PDZD2: variants seen among roughly 807,000 people sequenced by gnomAD.
PDZD2 encodes the protein PDZ domain containing 2, also known as PDZ domain-containing protein 2.
A neutral mutation model predicts 220.7 loss-of-function variants in PDZD2; 90 were observed. The observed-to-expected ratio is 0.41, with a 90% CI of 0.34 to 0.49. The LOEUF (loss-of-function observed/expected upper bound fraction) is 0.49, where lower values mean the gene tolerates loss of function less well. Among genes scored for constraint, PDZD2 ranks in the 20% least tolerant of loss-of-function variants. The pLI is 0.28. For synonymous variants in PDZD2, 1,375 were observed against 1,450.5 expected, an observed-to-expected ratio of 0.95 and a Z score of 1.18; for missense variants, 3,174 against 3,608.5, an observed-to-expected ratio of 0.88 and a Z score of 3.08.
At chr5:31,658,804 A>G (rs1183764050) in intron 1 of PDZD2, among the ~76,000 whole-genome samples, 4 of 152,166 alleles carry the variant, frequency 2.6e-5, no homozygotes, top group Non-Finnish European at 2.9e-5. Context: ...TATCTTTAGT[A>G]GAGACGGGGT....
intron 1 of PDZD2, among the ~76,000 whole-genome samples, chr5:31,793,935 T>G (rs140743692): frequency 2.6e-4 from 40 of 152,336 alleles, no homozygotes; most frequent in African/African-American, 9.6e-4. Flanking sequence ...GGAGTTAGTA[T>G]GAAATGTGGA....
intron 2 of PDZD2, among the ~76,000 whole-genome samples, chr5:31,947,247 C>A (rs569634656): frequency 3.3e-5 from 5 of 152,344 alleles, no homozygotes; most frequent in Admixed American, 3.3e-4. Context: ...ATCCACTATT[C>A]TAAGCCCCGG....
At chr5:31,801,347 A>G (rs919857187) in intron 2 of PDZD2, among the ~76,000 whole-genome samples, 1 of 148,558 alleles carries the variant, frequency 6.7e-6, no homozygotes, top group Admixed American at 6.7e-5. Context: ...GGGATTAGAG[A>G]TTGTTCTCAG....
At chr5:31,726,453 C>T (rs1749145132) in intron 1 of PDZD2, among the ~76,000 whole-genome samples, 1 of 152,148 alleles carries the variant, frequency 6.6e-6, no homozygotes, top group African/African-American at 2.4e-5. Flanking sequence ...CACTTGAACC[C>T]AAGAGGTGGA....
intron 2 of PDZD2, among the ~76,000 whole-genome samples, chr5:31,972,174 C>T (rs1749358824): frequency 6.6e-6 from 1 of 152,140 alleles, no homozygotes; most frequent in Non-Finnish European, 1.5e-5. Flanking sequence ...AGTGCAATGG[C>T]GCAGTCTTGG....
intron 1 of PDZD2, among the ~76,000 whole-genome samples, chr5:31,762,014 G>T (rs1751688116): frequency 6.6e-6 from 1 of 152,150 alleles, no homozygotes; most frequent in African/African-American, 2.4e-5. Context: ...CAGGAGGAAG[G>T]GTGGGGAAGG....
chr5:31,749,881 C>T (rs1171663115), intron 1 of PDZD2, among the ~76,000 whole-genome samples: 1 of 152,210 alleles, frequency 6.6e-6, no homozygotes, highest in African/African-American at 2.4e-5. Flanking sequence ...CCCGGTGAGG[C>T]TCTCAGTGGG....
chr5:31,936,399 A>T, intron 2 of PDZD2: 1 of 914,408 alleles, frequency 1.1e-6, no homozygotes, highest in Non-Finnish European at 1.3e-6. Context: ...CTCTGAACAC[A>T]ACTTACAGGT....
At chr5:31,931,830 G>C (rs1037905177) in intron 2 of PDZD2, among the ~76,000 whole-genome samples, 1 of 152,140 alleles carries the variant, frequency 6.6e-6, no homozygotes, top group South Asian at 2.1e-4. Flanking sequence ...TATGCTGCCG[G>C]CGTTGTGTGA....
At chr5:31,883,023 C>CAAAAAAAAAAAAAAAAAAAAAAAAA (rs781370177) in intron 2 of PDZD2, among the ~76,000 whole-genome samples, 1 of 47,950 alleles carries the variant, frequency 2.1e-5, no homozygotes, top group African/African-American at 7.6e-5. Flanking sequence ...GACTCTGTCT[C>CAAAAAAAAAAAAAAAAAAAAAAAAA]AAAAAAAAAA....
At chr5:31,945,176 C>T (rs1746530472) in intron 2 of PDZD2, among the ~76,000 whole-genome samples, 1 of 152,142 alleles carries the variant, frequency 6.6e-6, no homozygotes, top group Non-Finnish European at 1.5e-5. Flanking sequence ...GAGATCTGAC[C>T]GACTATGCCC....
chr5:31,748,335 C>A (rs1750725254), intron 1 of PDZD2, among the ~76,000 whole-genome samples: 1 of 152,222 alleles, frequency 6.6e-6, no homozygotes. Context: ...GACTTGCTCA[C>A]AAATTATTTG....
intron 2 of PDZD2, among the ~76,000 whole-genome samples, chr5:31,938,120 C>T (rs1226308020): frequency 6.6e-6 from 1 of 152,180 alleles, no homozygotes; most frequent in African/African-American, 2.4e-5. Flanking sequence ...CTCTGTTGGC[C>T]AGATTGGTGT....
At chr5:31,880,259 A>G (rs1739747407) in intron 2 of PDZD2, among the ~76,000 whole-genome samples, 1 of 152,106 alleles carries the variant, frequency 6.6e-6, no homozygotes, top group African/African-American at 2.4e-5. Flanking sequence ...AATGATGGAC[A>G]TTTTGTTTTA....
chr5:31,783,844 G>A (rs934113997), intron 1 of PDZD2, among the ~76,000 whole-genome samples: 2 of 152,004 alleles, frequency 1.3e-5, no homozygotes, highest in Non-Finnish European at 2.9e-5. Flanking sequence ...TTTTTTTCCC[G>A]CTTCCAATTT....
chr5:32,045,742 A>C (rs1737884509), intron 7 of PDZD2, among the ~76,000 whole-genome samples: 2 of 151,968 alleles, frequency 1.3e-5, no homozygotes, highest in African/African-American at 2.4e-5. Context: ...TCTTTTTAAG[A>C]ACAAAATTTG....
At chr5:32,007,614 A>G (rs1752934842) in intron 5 of PDZD2, among the ~76,000 whole-genome samples, 1 of 152,208 alleles carries the variant, frequency 6.6e-6, no homozygotes, top group Non-Finnish European at 1.5e-5. Flanking sequence ...ATTCAGTAAC[A>G]TCCATTGTTT....
Position 31,787,001 on chromosome 5 carries a change from T to C in PDZD2, c.-360-11888T>C, listed in dbSNP as rs551883457. Reference sequence around the variant, plus strand: ...GTTTTTAAAAAAAATCACTCTGGTGTAATTAAAGAATATGTGATAATGCTA... The same window carrying C: ...GTTTTTAAAAAAAATCACTCTGGTGCAATTAAAGAATATGTGATAATGCTA... On this transcript the variant is annotated intron_variant, in intron 1 of 24. Transcript: ENST00000438447. Among the ~76,000 whole-genome samples the C allele has an allele frequency of 1.1e-4, 16 of 152,296 alleles. No individual in the cohort carries two copies. In the South Asian group the frequency reaches 3.3e-3, roughly 32 times the overall value.
chr5:31,734,460 C>T (rs766875485), intron 1 of PDZD2, among the ~76,000 whole-genome samples: 7 of 152,046 alleles, frequency 4.6e-5, no homozygotes, highest in Non-Finnish European at 8.8e-5. Context: ...GCTGGGATTA[C>T]GGGCACCCGC....
Sources: allele counts gnomAD v4.1 joint callset (sites outside exome capture counted in the v4.1 genomes callset), GRCh38; gene constraint gnomAD v4.1.1; transcripts MANE v1.5; gene names NCBI Gene and HGNC (gene_info 2026-07-23, HGNC 2026-07-21).